Variants in STAU1 observed in about 807,000 individuals in gnomAD.
STAU1 encodes the protein double-stranded RNA-binding protein Staufen homolog 1.
In STAU1, 13 loss-of-function variants were observed where a neutral mutation model predicts 62.9. That is an observed-to-expected ratio of 0.21 (90% CI 0.13 to 0.33). The LOEUF (loss-of-function observed/expected upper bound fraction) is 0.33. Ranked by LOEUF, STAU1 falls within the 10% of genes least tolerant of loss-of-function variation. STAU1 has a pLI of 1.00. For synonymous variants in STAU1, 269 were observed against 265.1 expected (o/e 1.01, Z -0.14); for missense variants, 571 against 712.1 (o/e 0.80, Z 2.25).
At chr20:49,125,572 C>T (rs73611340) in intron 6 of STAU1, among the ~76,000 whole-genome samples, 2 of 147,618 alleles carry the variant, frequency 1.4e-5, no homozygotes, top group Non-Finnish European at 3.0e-5. Flanking sequence ...ATGGGCCAGG[C>T]GCGGTGGCTC....
chr20:49,204,644 ATATTTTTTTTT>A, the STAU1 span, among the ~76,000 whole-genome samples: 26 of 41,414 alleles, frequency 6.3e-4, no homozygotes, highest in East Asian at 1.1e-3. Flanking sequence ...ATATATATAT[ATATTTTTTTTT>A]TTTTTTTTTT....
At chr20:49,191,888 T>C (rs1014229554), upstream of STAU1, among the ~76,000 whole-genome samples, 1 of 151,680 alleles carries the variant, frequency 6.6e-6, no homozygotes, top group Non-Finnish European at 1.5e-5. Context: ...CCATCGCTAC[T>C]AAACATACAG....
In STAU1 at chr20:49,184,280, C is replaced by CA. The variant is rs200992290; in HGVS notation, c.-160+3835dup. On this transcript the variant is annotated intron_variant, in intron 1 of 13. Coordinates refer to ENST00000371856, the MANE Select transcript of STAU1 (RefSeq NM_017453.4). ...GGGTGACAAGAGCTAAACTCCATCTCAAAAAAAAAAATTTTTTTTTTTACC... is the reference window on the plus strand; with the variant it reads ...GGGTGACAAGAGCTAAACTCCATCTCAAAAAAAAAAAATTTTTTTTTTTACC... 9.5e-4 allele frequency among the ~76,000 whole-genome samples: 140 copies of CA among 147,794 alleles called. 2 individuals carry two copies. The highest frequency in any genetic ancestry group is 1.6e-3 in the Non-Finnish European group (106 of 66,788).
chr20:49,203,339 C>T, the STAU1 span, among the ~76,000 whole-genome samples: 2 of 152,202 alleles, frequency 1.3e-5, no homozygotes, highest in African/African-American at 2.4e-5. Context: ...GCAGGAAGAT[C>T]GCTTGACCCG....
At chr20:49,193,431 G>A in the STAU1 span, among the ~76,000 whole-genome samples, 1 of 151,978 alleles carries the variant, frequency 6.6e-6, no homozygotes, top group South Asian at 2.1e-4. Flanking sequence ...CGAGTTCTTT[G>A]GGAGGCCAAT....
chr20:49,200,370 G>A, the STAU1 span, among the ~76,000 whole-genome samples: 7 of 152,098 alleles, frequency 4.6e-5, no homozygotes, highest in Non-Finnish European at 7.3e-5. Context: ...AGGCCGACGC[G>A]GGCGGATCAC....
At chr20:49,137,812 C>CCCA (rs1281305595) in intron 5 of STAU1, among the ~76,000 whole-genome samples, 2 of 150,936 alleles carry the variant, frequency 1.3e-5, no homozygotes, top group African/African-American at 4.9e-5. Context: ...ATTACAGGCA[C>CCCA]CCACCACCAC....
chr20:49,210,970 T>C, the STAU1 span, among the ~76,000 whole-genome samples: 1 of 152,058 alleles, frequency 6.6e-6, no homozygotes, highest in Non-Finnish European at 1.5e-5. Flanking sequence ...CATCCCCCAA[T>C]TCCCTAATCC....
chr20:49,183,521 G>T (rs1021044061), intron 1 of STAU1, among the ~76,000 whole-genome samples: 11 of 152,180 alleles, frequency 7.2e-5, no homozygotes, highest in African/African-American at 2.7e-4. Context: ...CCCTTTTCAT[G>T]AAAGTTTCAT....
intron 6 of STAU1, among the ~76,000 whole-genome samples, chr20:49,125,690 C>T (rs1319403636): frequency 6.6e-6 from 1 of 151,420 alleles, no homozygotes; most frequent in Non-Finnish European, 1.5e-5. Context: ...ACTAAAAATA[C>T]AAAAAAAATT....
At chr20:49,177,213 G>A (rs962148056) in intron 1 of STAU1, among the ~76,000 whole-genome samples, 3 of 150,442 alleles carry the variant, frequency 2.0e-5, no homozygotes, top group Non-Finnish European at 4.4e-5. Context: ...CCTGGCCCAG[G>A]GTGTTCAGTT....
chr20:49,157,483 T>C (rs1198083437), intron 3 of STAU1, among the ~76,000 whole-genome samples: 2 of 151,850 alleles, frequency 1.3e-5, no homozygotes, highest in Non-Finnish European at 2.9e-5. Flanking sequence ...TTGGCTAATT[T>C]TTTTTTTTTA....
chr20:49,134,802 A>T, intron 6 of STAU1: 1 of 1,304,206 alleles, frequency 7.7e-7, no homozygotes, highest in Non-Finnish European at 1.1e-6. Flanking sequence ...ATTCCTGGAG[A>T]GCCTGGTTTT....
chr20:49,121,967 T>TCTAC (rs2092475207), intron 8 of STAU1, among the ~76,000 whole-genome samples: 1 of 152,236 alleles, frequency 6.6e-6, no homozygotes, highest in South Asian at 2.1e-4. Flanking sequence ...AACCTGGCCA[T>TCTAC]CTACCAGCCA....
intron 3 of STAU1, among the ~76,000 whole-genome samples, chr20:49,154,327 T>A (rs1158910925): frequency 6.6e-6 from 1 of 152,176 alleles, no homozygotes; most frequent in Admixed American, 6.5e-5. Flanking sequence ...CAAGACATTA[T>A]CAGTGAAAGC....
At chr20:49,171,641 G>C (rs1236099425) in intron 2 of STAU1, among the ~76,000 whole-genome samples, 7 of 152,172 alleles carry the variant, frequency 4.6e-5, no homozygotes, top group African/African-American at 1.2e-4. Flanking sequence ...CTGCAATATG[G>C]TTGAATGTTT....
At chr20:49,128,903 T>C (rs2092691931) in intron 6 of STAU1, among the ~76,000 whole-genome samples, 1 of 152,082 alleles carries the variant, frequency 6.6e-6, no homozygotes, top group African/African-American at 2.4e-5. Context: ...GACTTTAGGT[T>C]AGCCAAATGT....
chr20:49,137,454 T>TTATC (rs1446874627), intron 5 of STAU1, among the ~76,000 whole-genome samples: 2 of 152,114 alleles, frequency 1.3e-5, no homozygotes, highest in Non-Finnish European at 2.9e-5. Context: ...AGCTCAAAGC[T>TTATC]TATCTAGCAA....
chr20:49,133,789 C>G (rs188020353), intron 6 of STAU1, among the ~76,000 whole-genome samples: 1 of 152,290 alleles, frequency 6.6e-6, no homozygotes, highest in East Asian at 1.9e-4. Context: ...TGGAGAGGAA[C>G]AAACAAGCCC....
Sources: allele counts gnomAD v4.1 joint callset (sites outside exome capture counted in the v4.1 genomes callset), GRCh38; gene constraint gnomAD v4.1.1; transcripts MANE v1.5; gene names NCBI Gene and HGNC (gene_info 2026-07-23, HGNC 2026-07-21).